NOX4: variants seen among roughly 807,000 people sequenced by gnomAD.
NOX4 encodes the protein NADPH oxidase 4, also known as kidney oxidase-1.
NOX4 carries 69 observed loss-of-function variants against 87.6 expected under a neutral mutation model. That is an observed-to-expected ratio of 0.79 (90% CI 0.65 to 0.96). NOX4 has a LOEUF of 0.96. Among genes scored for constraint, NOX4 ranks in the 40% least tolerant of loss-of-function variants. The pLI is 0.00. For missense variants in NOX4, 680 were observed against 681.5 expected (o/e 1.00, Z 0.02); for synonymous variants, 275 against 238.2 (o/e 1.15, Z -1.42).
At chr11:89,331,528 T>C in intron 17 of NOX4, among the ~76,000 whole-genome samples, 1 of 151,790 alleles carries the variant, frequency 6.6e-6, no homozygotes, top group Non-Finnish European at 1.5e-5. Flanking sequence ...TGAAACATAA[T>C]GTAGCTTCCA....
chr11:89,567,124 C>T, the NOX4 span, among the ~76,000 whole-genome samples: 1 of 152,154 alleles, frequency 6.6e-6, no homozygotes, highest in Non-Finnish European at 1.5e-5. Context: ...TGGGACGGGG[C>T]CAGTCTGATC....
chr11:89,402,557 A>G lies in NOX4; in HGVS notation c.630-15T>C. 2 of 1,556,790 alleles carry G rather than the reference A, an allele frequency of 1.3e-6. No individual in the cohort carries two copies. Among genetic ancestry groups the G allele is most frequent in the Middle Eastern group, 1.7e-4 (1 of 5,824 alleles). ...TCAGCAGCCCTCTAAAATTACATTT[A>G]AAACAAACAAACAGAGAAATGAAAA... On this transcript the variant is annotated splice_polypyrimidine_tract_variant and intron_variant, in intron 8 of 17. Coordinates refer to ENST00000263317, the MANE Select transcript of NOX4 (RefSeq NM_016931.5).
At chr11:89,571,170 C>A in the NOX4 span, among the ~76,000 whole-genome samples, 6 of 152,160 alleles carry the variant, frequency 3.9e-5, no homozygotes, top group South Asian at 6.2e-4. Flanking sequence ...TCATTTCTTA[C>A]GTGCTCTTGA....
chr11:89,426,862 T>G (rs1026817498), intron 7 of NOX4, among the ~76,000 whole-genome samples: 1 of 152,052 alleles, frequency 6.6e-6, no homozygotes, highest in Non-Finnish European at 1.5e-5. Flanking sequence ...TCTGACAGCT[T>G]TGAAGAGAGT....
At chr11:89,447,439 A>T (rs779403554) in intron 4 of NOX4, among the ~76,000 whole-genome samples, 31 of 152,172 alleles carry the variant, frequency 2.0e-4, no homozygotes, top group Non-Finnish European at 3.4e-4. Context: ...GGTCAAAAGA[A>T]TTCAGGGCTT....
chr11:89,396,834 C>G (rs149221661), intron 11 of NOX4, among the ~76,000 whole-genome samples: 2,840 of 152,140 alleles, frequency 0.019, 81 homozygotes, highest in East Asian at 0.13. Flanking sequence ...CCTTAGAAAC[C>G]TACAAAGAGA....
At chr11:89,421,786 T>A (rs1447710513) in intron 8 of NOX4, 116 bp downstream of exon 8, 1 of 581,432 alleles carries the variant, frequency 1.7e-6, no homozygotes. Flanking sequence ...GTAGAGAAAC[T>A]ATTTCTTTCA....
chr11:89,392,683 CTG>C (rs1391728077), intron 11 of NOX4, among the ~76,000 whole-genome samples: 5 of 151,964 alleles, frequency 3.3e-5, no homozygotes, highest in Non-Finnish European at 5.9e-5. Context: ...CATATCCAAA[CTG>C]TTATTTGGGC....
chr11:89,371,846 G>C (rs1368576053), intron 12 of NOX4, among the ~76,000 whole-genome samples: 1 of 151,808 alleles, frequency 6.6e-6, no homozygotes, highest in East Asian at 1.9e-4. Context: ...GACTCTGAAT[G>C]AGTTATTACT....
chr11:89,369,258 A>G (rs1939252970), intron 12 of NOX4, among the ~76,000 whole-genome samples: 1 of 152,058 alleles, frequency 6.6e-6, no homozygotes, highest in African/African-American at 2.4e-5. Context: ...GAAAAAATAC[A>G]AAGAGTGGAA....
intron 17 of NOX4, among the ~76,000 whole-genome samples, chr11:89,332,130 G>C (rs1308749868): frequency 6.6e-6 from 1 of 151,740 alleles, no homozygotes; most frequent in African/African-American, 2.4e-5. Flanking sequence ...ATGTAGATTT[G>C]TAAACGCAGG....
chr11:89,403,316 C>T (rs1941981899), intron 8 of NOX4, among the ~76,000 whole-genome samples: 1 of 152,102 alleles, frequency 6.6e-6, no homozygotes, highest in South Asian at 2.1e-4. Context: ...TACATAGCAT[C>T]AACAAGGTCA....
chr11:89,539,941 C>T, the NOX4 span, among the ~76,000 whole-genome samples: 1 of 152,144 alleles, frequency 6.6e-6, no homozygotes, highest in African/African-American at 2.4e-5. Flanking sequence ...AGAATATACC[C>T]TCTCCCTCCC....
chr11:89,504,969 C>T, the NOX4 span, among the ~76,000 whole-genome samples: 1 of 151,892 alleles, frequency 6.6e-6, no homozygotes, highest in African/African-American at 2.4e-5. Flanking sequence ...ACATGTCAAG[C>T]TGGGTTTTGG....
chr11:89,365,981 G>A (rs1938952988), intron 12 of NOX4, among the ~76,000 whole-genome samples: 1 of 152,022 alleles, frequency 6.6e-6, no homozygotes, highest in South Asian at 2.1e-4. Flanking sequence ...AAAATGATTA[G>A]CAAGTGTATC....
the NOX4 span, among the ~76,000 whole-genome samples, chr11:89,566,752 G>GT: frequency 6.6e-6 from 1 of 152,196 alleles, no homozygotes; most frequent in African/African-American, 2.4e-5. Context: ...ACACTGGGCT[G>GT]AAGGGGGAGG....
chr11:89,342,586 A>AT (rs1946053028), intron 13 of NOX4, among the ~76,000 whole-genome samples: 2 of 152,042 alleles, frequency 1.3e-5, no homozygotes, highest in Admixed American at 6.5e-5. Context: ...TTCAATAAAC[A>AT]TTTTTTCAAT....
the NOX4 span, among the ~76,000 whole-genome samples, chr11:89,513,587 C>G: frequency 1.5e-3 from 231 of 152,042 alleles, no homozygotes; most frequent in African/African-American, 5.3e-3. Flanking sequence ...AGAAGAAATG[C>G]AGATTAAAAA....
In NOX4 at chr11:89,437,991, C is replaced by A. The variant is rs1278398189; in HGVS notation, c.475+2697G>T. 5.3e-5 allele frequency among the ~76,000 whole-genome samples: 8 copies of A among 151,658 alleles called. No homozygotes were observed. The Admixed American group carries it at 5.3e-4, about 10-fold the overall frequency. On this transcript the variant is annotated intron_variant, in intron 6 of 17. Transcript: ENST00000263317. ...GATGAGATGTTCAGTAGTGACAGGA[C>A]AGCAGCTCCCAAAGTACCTGGGAAG...
Sources: allele counts gnomAD v4.1 joint callset (sites outside exome capture counted in the v4.1 genomes callset), GRCh38; gene constraint gnomAD v4.1.1; transcripts MANE v1.5; gene names NCBI Gene and HGNC (gene_info 2026-07-23, HGNC 2026-07-21).